USH2A: variants seen among roughly 807,000 people sequenced by gnomAD.
USH2A encodes Usher syndrome 2A (autosomal recessive, mild).
Under a neutral mutation model 538.9 loss-of-function variants are expected in USH2A, and 443 were observed. The ratio of observed to expected loss-of-function variants is 0.82; its 90% CI spans 0.76 to 0.89. The LOEUF is 0.89. Among genes scored for constraint, USH2A ranks in the 40% least tolerant of loss-of-function variants. The probability of loss-of-function intolerance (pLI) is 0.00; values close to 1 mark genes in which losing one functional copy is unlikely to be tolerated. For missense variants in USH2A, 6,633 were observed against 6,324.8 expected (o/e 1.05, Z -1.65); for synonymous variants, 2,413 against 2,273.5 (o/e 1.06, Z -1.75).
intron 47 of USH2A, among the ~76,000 whole-genome samples, chr1:215,820,099 C>G (rs1286112592): frequency 6.6e-6 from 1 of 151,634 alleles, no homozygotes; most frequent in Non-Finnish European, 1.5e-5. Context: ...TAAACATAAA[C>G]AGATTGCAAA....
At chr1:215,714,336 G>A (rs969718662) in intron 61 of USH2A, among the ~76,000 whole-genome samples, 101 of 152,314 alleles carry the variant, frequency 6.6e-4, no homozygotes, top group African/African-American at 2.4e-3. Context: ...GGCCAGGTAA[G>A]GCTTTAGTGG....
At chr1:215,785,719 T>C (rs1661779530) in intron 52 of USH2A, among the ~76,000 whole-genome samples, 1 of 152,174 alleles carries the variant, frequency 6.6e-6, no homozygotes, top group Admixed American at 6.6e-5. Context: ...ACCTTATCTC[T>C]GTTCCTTTCT....
At position 216,323,070 on chromosome 1, in the gene USH2A, T is replaced by G. The variant is rs148739479; in HGVS notation, c.1550+404A>C. Among the ~76,000 whole-genome samples the G allele has an allele frequency of 4.0e-3, 606 of 152,094 alleles. 4 individuals carry two copies. The highest frequency in any genetic ancestry group is 0.014 in the African/African-American group (573 of 41,532). ...TCAAGATCTGTACTTAAAAACTCTC[T>G]GGTGCTATAGTTACAACTCCAAATT... On this transcript the variant is annotated intron_variant, in intron 8 of 71. Coordinates refer to ENST00000307340, the MANE Select transcript of USH2A (RefSeq NM_206933.4).
chr1:215,920,606 A>G (rs900058680), intron 38 of USH2A, among the ~76,000 whole-genome samples: 2 of 152,046 alleles, frequency 1.3e-5, no homozygotes, highest in Admixed American at 6.6e-5. Context: ...ACCCCTTCCC[A>G]GATGAGCAAA....
chr1:215,892,615 C>T (rs1326821133), intron 40 of USH2A, among the ~76,000 whole-genome samples: 2 of 151,874 alleles, frequency 1.3e-5, no homozygotes, highest in Non-Finnish European at 2.9e-5. Flanking sequence ...TTTTTGACAG[C>T]TCATAATAAA....
chr1:216,272,878 T>C (rs2036602620), intron 11 of USH2A, among the ~76,000 whole-genome samples: 1 of 152,084 alleles, frequency 6.6e-6, no homozygotes, highest in African/African-American at 2.4e-5. Context: ...GTATTTCATA[T>C]GTTCAGCTTA....
chr1:216,418,728 A>G, intron 2 of USH2A, 49 bp from the exon 3 acceptor site: 17 of 1,602,228 alleles, frequency 1.1e-5, no homozygotes, highest in Non-Finnish European at 1.5e-5. Flanking sequence ...CCAACCAAAA[A>G]GACATGCTAA....
At chr1:216,187,133 T>G (rs1262723737) in intron 20 of USH2A, among the ~76,000 whole-genome samples, 1 of 151,954 alleles carries the variant, frequency 6.6e-6, no homozygotes, top group East Asian at 1.9e-4. Flanking sequence ...ATAGTTTATC[T>G]GAAATAGCAT....
At position 216,342,781 on chromosome 1, in the gene USH2A, G is replaced by A. The variant is rs144851427; in HGVS notation, c.785-15127C>T. 3.1e-3 allele frequency among the ~76,000 whole-genome samples: 464 copies of A among 152,102 alleles called. 1 individual carries two copies. The highest frequency in any genetic ancestry group is 0.011 in the African/African-American group (449 of 41,504). Reference sequence around the variant, plus strand: ...ATGTTCTCACTCATAAATGGGAGCTGAACAATGAGAACACATGGACGAAGG... The same window carrying A: ...ATGTTCTCACTCATAAATGGGAGCTAAACAATGAGAACACATGGACGAAGG... On this transcript the variant is annotated intron_variant, in intron 4 of 71. Transcript: ENST00000307340.
At chr1:216,319,271 G>A (rs2037564581) in intron 9 of USH2A, among the ~76,000 whole-genome samples, 1 of 152,096 alleles carries the variant, frequency 6.6e-6, no homozygotes, top group Admixed American at 6.6e-5. Flanking sequence ...TATAATAAAT[G>A]TTGCTTTAAC....
chr1:215,659,770 G>T (rs1177759752), intron 64 of USH2A, among the ~76,000 whole-genome samples: 8 of 152,130 alleles, frequency 5.3e-5, no homozygotes, highest in Admixed American at 3.3e-4. Flanking sequence ...TAATCGGTCT[G>T]TCTTCACAGG....
chr1:216,061,419 A>T (rs2031177598), intron 30 of USH2A, among the ~76,000 whole-genome samples: 1 of 152,086 alleles, frequency 6.6e-6, no homozygotes, highest in African/African-American at 2.4e-5. Context: ...TTTTATATAC[A>T]TTTAGTTTTT....
chr1:215,795,731 C>G (rs966251844), intron 50 of USH2A, among the ~76,000 whole-genome samples: 1 of 152,144 alleles, frequency 6.6e-6, no homozygotes. Context: ...AGGAGGTATT[C>G]AACTGGTTAG....
intron 21 of USH2A, among the ~76,000 whole-genome samples, chr1:216,170,460 A>C (rs1310380293): frequency 6.6e-6 from 1 of 152,140 alleles, no homozygotes; most frequent in Admixed American, 6.6e-5. Context: ...AAGACAAATA[A>C]AAGGGAATTA....
chr1:216,211,498 A>C (rs1486063971), intron 15 of USH2A, among the ~76,000 whole-genome samples: 1 of 152,202 alleles, frequency 6.6e-6, no homozygotes, highest in African/African-American at 2.4e-5. Flanking sequence ...ACAGCACTGA[A>C]TGTAAAATAT....
chr1:215,668,684 T>C (rs1284853671), intron 64 of USH2A, among the ~76,000 whole-genome samples: 2 of 152,176 alleles, frequency 1.3e-5, no homozygotes, highest in African/African-American at 4.8e-5. Flanking sequence ...TAGTGCCTGA[T>C]GAAAAATCTG....
chr1:215,987,680 C>G (rs561688859), intron 35 of USH2A, among the ~76,000 whole-genome samples: 205 of 152,256 alleles, frequency 1.3e-3, no homozygotes, highest in African/African-American at 4.5e-3. Flanking sequence ...TAGCAAGTAA[C>G]CTTGTTTGTA....
At chr1:215,646,678 C>T (rs1656861503) in intron 67 of USH2A, among the ~76,000 whole-genome samples, 1 of 152,106 alleles carries the variant, frequency 6.6e-6, no homozygotes, top group Non-Finnish European at 1.5e-5. Context: ...AGGTATGTGT[C>T]ACCATGCCTG....
At chr1:216,267,020 G>C (rs1054950691) in intron 11 of USH2A, among the ~76,000 whole-genome samples, 4 of 151,790 alleles carry the variant, frequency 2.6e-5, no homozygotes, top group African/African-American at 9.7e-5. Context: ...GTGTATAATT[G>C]GTATTTGAAG....
Sources: gnomAD v4.1 joint callset for allele counts (sites outside exome capture counted in the v4.1 genomes callset) on GRCh38, gnomAD v4.1.1 for gene constraint, MANE v1.5 for transcripts, NCBI Gene and HGNC (gene_info 2026-07-23, HGNC 2026-07-21) for gene names.